The following KANK4 variants were observed in gnomAD, a reference collection of about 807,000 sequenced individuals.
KANK4 encodes the protein KN motif and ankyrin repeat domains 4.
KANK4 carries 50 observed loss-of-function variants against 80.8 expected under a neutral mutation model. That is an observed-to-expected ratio of 0.62 (90% CI 0.49 to 0.78). The LOEUF is 0.78. Among genes scored for constraint, KANK4 ranks in the 30% least tolerant of loss-of-function variants. The probability of loss-of-function intolerance (pLI) is 0.00; values close to 1 mark genes in which losing one functional copy is unlikely to be tolerated. For synonymous variants in KANK4, 465 were observed against 506.9 expected (o/e 0.92, Z 1.11); for missense variants, 1,196 against 1,240.1 (o/e 0.96, Z 0.53).
chr1:62,310,354 G>A (rs1487725382), intron 1 of KANK4, among the ~76,000 whole-genome samples: 1 of 152,172 alleles, frequency 6.6e-6, no homozygotes, highest in Non-Finnish European at 1.5e-5. Flanking sequence ...GGCACTTGGA[G>A]CAGCAGCATT....
chr1:62,315,297 G>A (rs74078535), intron 1 of KANK4, among the ~76,000 whole-genome samples: 5,847 of 152,120 alleles, frequency 0.038, 367 homozygotes, highest in African/African-American at 0.13. Context: ...GTGGTTAGCC[G>A]TCTGATCTCC....
intron 7 of KANK4, among the ~76,000 whole-genome samples, chr1:62,255,782 G>A (rs918767029): frequency 2.6e-5 from 4 of 152,166 alleles, no homozygotes; most frequent in African/African-American, 7.2e-5. Flanking sequence ...CTGAGTAGCT[G>A]GGACTACAGG....
chr1:62,255,029 G>C (rs1160478077), intron 7 of KANK4, among the ~76,000 whole-genome samples: 1 of 150,656 alleles, frequency 6.6e-6, no homozygotes, highest in African/African-American at 2.4e-5. Context: ...GGGATTACAG[G>C]TGCACGCCAC....
intron 3 of KANK4, chr1:62,272,934 G>C (rs1571000858): frequency 7.8e-6 from 2 of 255,998 alleles, no homozygotes; most frequent in South Asian, 3.4e-4. Flanking sequence ...GGGATTACAG[G>C]CTCCTGCCAC....
intron 1 of KANK4, among the ~76,000 whole-genome samples, chr1:62,293,254 AT>A (rs5774594): frequency 0.61 from 90,230 of 148,716 alleles, 27,502 homozygotes; most frequent in East Asian, 0.74. Context: ...CACCCCGCTA[AT>A]TTTTTTTTTT....
intron 8 of KANK4, among the ~76,000 whole-genome samples, chr1:62,252,419 T>A (rs911117853): frequency 2.6e-5 from 4 of 151,768 alleles, no homozygotes; most frequent in African/African-American, 9.7e-5. Flanking sequence ...CAGATAGGAG[T>A]GTTTTGGGAT....
At position 62,273,752 on chromosome 1, in the gene KANK4, T is replaced by C; in HGVS notation, c.1352A>G (p.Glu451Gly). The change falls in exon 3 of 10, where the codon GAG becomes GGG. Residue 451 changes from glutamate (E) to glycine (G), a missense_variant. Physicochemically the swap from Glu to Gly is moderately conservative, Grantham distance 98. Around this residue, in one of 3 missense-constraint regions of KANK4, gnomAD observed 1,154 missense variants for 1,179.6 expected, o/e 0.98. Transcript: ENST00000371153. ...ATCTGGCCCCCATAGGAGGCCATTC[T>C]CCTCTCCTCGGTGCCCCCAGCTTTC... ...ESESWGHRGE[E>G]NGLLWGPDGH... The C allele has an allele frequency of 6.2e-7, 1 of 1,614,120 alleles. No individual in the cohort carries two copies. Among genetic ancestry groups the C allele is most frequent in the Non-Finnish European group, 8.5e-7 (1 of 1,180,004 alleles).
chr1:62,253,634 G>A (rs960764028), intron 7 of KANK4, among the ~76,000 whole-genome samples: 5 of 151,888 alleles, frequency 3.3e-5, no homozygotes, highest in African/African-American at 1.2e-4. Flanking sequence ...GGCTGGTCCC[G>A]AACTCCTGAC....
At chr1:62,301,362 C>T (rs1644410711) in intron 1 of KANK4, among the ~76,000 whole-genome samples, 2 of 152,056 alleles carry the variant, frequency 1.3e-5, no homozygotes, top group African/African-American at 4.8e-5. Flanking sequence ...GGTACTAACA[C>T]CAAAGGTCCA....
At chr1:62,238,465 G>T (rs1307159428) in intron 9 of KANK4, 84 bp from the exon 10 acceptor site, 1 of 1,089,212 alleles carries the variant, frequency 9.2e-7, no homozygotes. Context: ...GGAGTAGAGG[G>T]TATGCCTGGG....
At chr1:62,299,937 G>A (rs1026349431) in intron 1 of KANK4, among the ~76,000 whole-genome samples, 3 of 152,058 alleles carry the variant, frequency 2.0e-5, no homozygotes, top group African/African-American at 4.8e-5. Context: ...GTCAGAAGGC[G>A]TTTTGGGCCC....
intron 7 of KANK4, among the ~76,000 whole-genome samples, chr1:62,260,374 C>T (rs2666475): frequency 0.81 from 122,635 of 151,878 alleles, 49,762 homozygotes; most frequent in African/African-American, 0.87. Context: ...CTCATTCTCT[C>T]CCTCTCCATC....
intron 8 of KANK4, among the ~76,000 whole-genome samples, chr1:62,252,370 G>A (rs1671643287): frequency 6.6e-6 from 1 of 152,244 alleles, no homozygotes; most frequent in South Asian, 2.1e-4. Flanking sequence ...TTGTGTGTCT[G>A]GAATAATACC....
chr1:62,279,370 A>G (rs991926596), intron 2 of KANK4, among the ~76,000 whole-genome samples: 2 of 152,234 alleles, frequency 1.3e-5, no homozygotes, highest in African/African-American at 4.8e-5. Context: ...CTACCCTCAC[A>G]TGCGGCTCTG....
chr1:62,264,551 G>A (rs1244864751), intron 6 of KANK4, among the ~76,000 whole-genome samples: 1 of 152,140 alleles, frequency 6.6e-6, no homozygotes, highest in South Asian at 2.1e-4. Context: ...ACCTTCCATG[G>A]CTCTACAGAG....
rs759445546 is a variant in KANK4, at chr1:62,273,718, T to C, written c.1386A>G (p.Lys462=). The part of the protein sequence containing the change: ...NGLLWGPDGH[K]QGNQSPAERV... ...GTTCTGCTGGGCTCTGATTCCCTTG[T>C]TTATGACCATCTGGCCCCCATAGGA... Residue 462 remains lysine, a synonymous_variant, in exon 3 of 10, where the codon AAA becomes AAG. Transcript: ENST00000371153. 1.2e-6 allele frequency: 2 copies of C among 1,613,986 alleles called. No homozygotes were observed. The highest frequency in any genetic ancestry group is 4.5e-5 in the East Asian group (2 of 44,864).
intron 6 of KANK4, among the ~76,000 whole-genome samples, chr1:62,265,881 A>C (rs777301792): frequency 6.6e-5 from 10 of 152,268 alleles, no homozygotes; most frequent in Admixed American, 2.6e-4. Context: ...CACTTCAAGA[A>C]AAACAGTAAT....
chr1:62,305,675 T>C (rs1644445871), intron 1 of KANK4, among the ~76,000 whole-genome samples: 1 of 151,996 alleles, frequency 6.6e-6, no homozygotes, highest in African/African-American at 2.4e-5. Flanking sequence ...GTGAAAGTTA[T>C]AACTCATCCA....
chr1:62,275,483 C>T (rs1022175253), intron 2 of KANK4, among the ~76,000 whole-genome samples: 4 of 152,008 alleles, frequency 2.6e-5, no homozygotes, highest in African/African-American at 9.7e-5. Flanking sequence ...TTGGCAATTA[C>T]GGATATGGAA....
Sources: gnomAD v4.1 joint callset for allele counts (sites outside exome capture counted in the v4.1 genomes callset) on GRCh38, gnomAD v4.1.1 for gene constraint, gnomAD v4.1.1 regional missense constraint, MANE v1.5 for transcripts, NCBI Gene and HGNC (gene_info 2026-07-23, HGNC 2026-07-21) for gene names.